The following ANXA4 variants were observed in gnomAD, a reference collection of about 807,000 sequenced individuals.
ANXA4 encodes the protein annexin A4.
ANXA4 carries 39 observed loss-of-function variants against 49.8 expected under a neutral mutation model. That is an observed-to-expected ratio of 0.78 (90% confidence interval 0.61 to 1.02). ANXA4 has a LOEUF of 1.02. ANXA4 is among the 50% of genes least tolerant of loss of function. The pLI is 0.00. For missense variants in ANXA4, 360 were observed against 410.1 expected (o/e 0.88, Z 1.05); for synonymous variants, 134 against 152.5 (o/e 0.88, Z 0.89).
At chr2:69,755,656 A>G (rs1204373036) in intron 1 of ANXA4, among the ~76,000 whole-genome samples, 1 of 152,120 alleles carries the variant, frequency 6.6e-6, no homozygotes, top group Non-Finnish European at 1.5e-5. Flanking sequence ...TGCTATATAT[A>G]TGTTACCATG....
intron 1 of ANXA4, among the ~76,000 whole-genome samples, chr2:69,771,116 A>G (rs1307665271): frequency 1.3e-5 from 2 of 151,566 alleles, no homozygotes; most frequent in Non-Finnish European, 2.9e-5. Context: ...AAAGAAAAAA[A>G]AAAAAAAAAG....
intron 5 of ANXA4, 38 bp downstream of exon 5, chr2:69,806,536 T>G: frequency 6.6e-7 from 1 of 1,524,112 alleles, no homozygotes; most frequent in Non-Finnish European, 9.1e-7. Context: ...GTGCTGTTGG[T>G]GCAAACGCTG....
intron 2 of ANXA4, among the ~76,000 whole-genome samples, chr2:69,659,991 A>G (rs1406139015): frequency 1.3e-5 from 2 of 151,052 alleles, no homozygotes; most frequent in Non-Finnish European, 1.5e-5. Context: ...GAACTCTCAA[A>G]GAGTGGCACC....
chr2:69,704,582 CTG>C (rs903170809), intron 2 of ANXA4, among the ~76,000 whole-genome samples: 1 of 152,186 alleles, frequency 6.6e-6, no homozygotes, highest in African/African-American at 2.4e-5. Context: ...GATGAAGAGT[CTG>C]TGTGTTTCTC....
At chr2:69,662,826 CTTAG>C (rs763295482) in intron 2 of ANXA4, among the ~76,000 whole-genome samples, 1 of 151,896 alleles carries the variant, frequency 6.6e-6, no homozygotes, top group Non-Finnish European at 1.5e-5. Context: ...ATACAGGACA[CTTAG>C]TTAAATTTGA....
chr2:69,779,667 C>G (rs927841648), intron 1 of ANXA4, among the ~76,000 whole-genome samples: 3 of 152,132 alleles, frequency 2.0e-5, no homozygotes, highest in Non-Finnish European at 2.9e-5. Context: ...TGGCATTTGT[C>G]TGCAAATAAC....
intron 3 of ANXA4, among the ~76,000 whole-genome samples, chr2:69,727,005 C>T (rs1281257967): frequency 6.6e-6 from 1 of 152,128 alleles, no homozygotes; most frequent in African/African-American, 2.4e-5. Context: ...ACCTCAGCCT[C>T]CCGAGTAGCT....
chr2:69,683,911 G>T (rs1424912013), intron 2 of ANXA4, among the ~76,000 whole-genome samples: 2 of 152,160 alleles, frequency 1.3e-5, no homozygotes, highest in Non-Finnish European at 2.9e-5. Context: ...CATAAACATT[G>T]TTCACATTTT....
intron 2 of ANXA4, among the ~76,000 whole-genome samples, chr2:69,687,950 T>C (rs1677847047): frequency 6.6e-6 from 1 of 152,230 alleles, no homozygotes; most frequent in Non-Finnish European, 1.5e-5. Context: ...ATTTTGAAAA[T>C]ATACCCACAA....
intron 1 of ANXA4, among the ~76,000 whole-genome samples, chr2:69,774,332 C>G (rs1358259412): frequency 7.8e-6 from 1 of 128,036 alleles, no homozygotes; most frequent in South Asian, 2.8e-4. Flanking sequence ...AAGGAGCCCC[C>G]CCCCCCCCTT....
At chr2:69,670,319 A>C (rs1268553536) in intron 2 of ANXA4, among the ~76,000 whole-genome samples, 1 of 151,828 alleles carries the variant, frequency 6.6e-6, no homozygotes, top group Non-Finnish European at 1.5e-5. Flanking sequence ...ACACACTTCT[A>C]GTCCCAGCTA....
At chr2:69,765,485 C>T (rs1046306745) in intron 1 of ANXA4, among the ~76,000 whole-genome samples, 1 of 152,060 alleles carries the variant, frequency 6.6e-6, no homozygotes, top group South Asian at 2.1e-4. Context: ...GGGTACACTA[C>T]CCCAATCAAG....
chr2:69,726,346 T>C (rs1187020257), intron 3 of ANXA4, among the ~76,000 whole-genome samples: 1 of 152,194 alleles, frequency 6.6e-6, no homozygotes, highest in Non-Finnish European at 1.5e-5. Flanking sequence ...CTTTTCTTTA[T>C]AAATTACCCA....
chr2:69,697,330 C>A (rs540330771), intron 2 of ANXA4, among the ~76,000 whole-genome samples: 1 of 152,284 alleles, frequency 6.6e-6, no homozygotes, highest in East Asian at 1.9e-4. Context: ...AGCTTCCTTA[C>A]GTCTCCCAGC....
intron 6 of ANXA4, chr2:69,809,678 A>G (rs1277766178): frequency 6.6e-6 from 1 of 152,148 alleles, no homozygotes; most frequent in African/African-American, 2.4e-5. Flanking sequence ...GGGGTTCACC[A>G]TGTTGCCCAG....
chr2:69,741,481 C>T (rs1484151390), upstream of ANXA4, among the ~76,000 whole-genome samples: 1 of 152,270 alleles, frequency 6.6e-6, no homozygotes, highest in African/African-American at 2.4e-5. Context: ...GGGGCTGCTC[C>T]TAACTCCTAC....
At chr2:69,649,381 T>C (rs990086654) in intron 1 of ANXA4, among the ~76,000 whole-genome samples, 1 of 151,922 alleles carries the variant, frequency 6.6e-6, no homozygotes, top group East Asian at 1.9e-4. Context: ...TTTCCATATA[T>C]AAGTACCTTT....
chr2:69,738,048 A>G (rs1039146984), upstream of ANXA4, among the ~76,000 whole-genome samples: 2 of 152,236 alleles, frequency 1.3e-5, no homozygotes, highest in African/African-American at 4.8e-5. Flanking sequence ...AGTATGTCTC[A>G]TGCAATATTT....
chr2:69,725,342 AC>A (rs1217942801), intron 3 of ANXA4, among the ~76,000 whole-genome samples: 6 of 149,522 alleles, frequency 4.0e-5, no homozygotes, highest in African/African-American at 7.3e-5. Flanking sequence ...AAATAAATAT[AC>A]CATATACTTA....
Sources: gnomAD v4.1 joint callset for allele counts (sites outside exome capture counted in the v4.1 genomes callset) on GRCh38, gnomAD v4.1.1 for gene constraint, MANE v1.5 for transcripts, NCBI Gene and HGNC (gene_info 2026-07-23, HGNC 2026-07-21) for gene names.